The following ORC4 variants were observed in gnomAD, a reference collection of about 807,000 sequenced individuals.
ORC4 encodes origin recognition complex subunit 4.
In ORC4, 55 loss-of-function variants were observed where a neutral mutation model predicts 63.9. That is an observed-to-expected ratio of 0.86 (90% CI 0.69 to 1.08). The LOEUF (loss-of-function observed/expected upper bound fraction) is 1.08, where lower values mean the gene tolerates loss of function less well. ORC4 is among the 50% of genes least tolerant of loss of function. The probability of loss-of-function intolerance (pLI) is 0.00; values close to 1 mark genes in which losing one functional copy is unlikely to be tolerated. For synonymous variants in ORC4, 150 were observed against 168.5 expected, an observed-to-expected ratio of 0.89 and a Z score of 0.85; for missense variants, 511 against 504.4, an observed-to-expected ratio of 1.01 and a Z score of -0.13.
chr2:147,970,934 C>A (rs1690174745), intron 4 of ORC4, among the ~76,000 whole-genome samples: 1 of 151,736 alleles, frequency 6.6e-6, no homozygotes, highest in Admixed American at 6.6e-5. Context: ...GGTTCAGGAC[C>A]AGCCTGGGAA....
intron 1 of ORC4, among the ~76,000 whole-genome samples, chr2:148,008,387 C>T (rs1200140167): frequency 6.6e-6 from 1 of 152,114 alleles, no homozygotes; most frequent in African/African-American, 2.4e-5. Context: ...TAAGCCAAGA[C>T]ATGTTAAGAA....
At chr2:147,958,273 A>G in intron 6 of ORC4, 25 bp downstream of exon 6, 3 of 1,422,334 alleles carry the variant, frequency 2.1e-6, no homozygotes, top group Non-Finnish European at 3.0e-6. Flanking sequence ...AGTCTATTTA[A>G]TAAAATAACT....
At chr2:147,966,996 C>G (rs997898036) in intron 4 of ORC4, among the ~76,000 whole-genome samples, 2 of 152,088 alleles carry the variant, frequency 1.3e-5, no homozygotes, top group Non-Finnish European at 2.9e-5. Flanking sequence ...TCACCATGAT[C>G]AAGTGGGATT....
intron 9 of ORC4, among the ~76,000 whole-genome samples, chr2:147,944,587 G>T (rs1029778021): frequency 6.6e-6 from 1 of 150,628 alleles, no homozygotes; most frequent in African/African-American, 2.4e-5. Context: ...TGGCATTGAA[G>T]AAAAGATTAG....
chr2:147,980,094 G>A (rs984108554), intron 1 of ORC4, among the ~76,000 whole-genome samples: 4 of 152,088 alleles, frequency 2.6e-5, no homozygotes, highest in African/African-American at 7.2e-5. Context: ...TCAACAGAGT[G>A]AAGAGACAAC....
At chr2:147,942,788 GA>G (rs901449192) in intron 10 of ORC4, among the ~76,000 whole-genome samples, 90 of 145,128 alleles carry the variant, frequency 6.2e-4, no homozygotes, top group African/African-American at 2.1e-3. Flanking sequence ...AGATTGGAAA[GA>G]AAAAAAAAAC....
At chr2:147,964,925 C>T (rs1324756479) in intron 4 of ORC4, among the ~76,000 whole-genome samples, 3 of 151,980 alleles carry the variant, frequency 2.0e-5, no homozygotes, top group Admixed American at 6.6e-5. Flanking sequence ...AATCAAAGCT[C>T]AGAATGAAAG....
intron 9 of ORC4, among the ~76,000 whole-genome samples, chr2:147,944,868 T>C: frequency 6.6e-6 from 1 of 152,052 alleles, no homozygotes; most frequent in East Asian, 1.9e-4. Flanking sequence ...TAGTTCCCAC[T>C]CCCTTGCTAT....
chr2:147,940,524 C>G (rs1688309324), intron 10 of ORC4, among the ~76,000 whole-genome samples: 1 of 151,978 alleles, frequency 6.6e-6, no homozygotes, highest in African/African-American at 2.4e-5. Context: ...AATCGTAGAA[C>G]CAACCCAAAT....
At chr2:148,018,550 C>G (rs1693458388) in intron 1 of ORC4, among the ~76,000 whole-genome samples, 1 of 151,224 alleles carries the variant, frequency 6.6e-6, no homozygotes, top group Non-Finnish European at 1.5e-5. Flanking sequence ...AACTGTGGCT[C>G]ATTTCCATTA....
intron 10 of ORC4, among the ~76,000 whole-genome samples, chr2:147,941,130 C>G (rs1038806972): frequency 3.9e-5 from 6 of 152,112 alleles, no homozygotes; most frequent in Non-Finnish European, 7.4e-5. Flanking sequence ...CTTCACAACT[C>G]TCTTCACTGT....
intron 2 of ORC4, among the ~76,000 whole-genome samples, chr2:147,974,856 G>A (rs2105354509): frequency 6.8e-6 from 1 of 146,988 alleles, no homozygotes; most frequent in Non-Finnish European, 1.5e-5. Flanking sequence ...ATATCTTAGA[G>A]GCAGTAACGG....
intron 1 of ORC4, among the ~76,000 whole-genome samples, chr2:148,014,502 A>C (rs1573905314): frequency 6.6e-6 from 1 of 152,294 alleles, no homozygotes; most frequent in Admixed American, 6.5e-5. Context: ...TAATTTTTTA[A>C]ATACAACTGG....
chr2:147,985,377 T>C (rs989185440), intron 1 of ORC4, among the ~76,000 whole-genome samples: 1 of 152,124 alleles, frequency 6.6e-6, no homozygotes, highest in Non-Finnish European at 1.5e-5. Flanking sequence ...TTTGTATTTT[T>C]AGTAGAGACG....
At chr2:147,966,335 T>G (rs1010132923) in intron 4 of ORC4, among the ~76,000 whole-genome samples, 1 of 151,896 alleles carries the variant, frequency 6.6e-6, no homozygotes, top group African/African-American at 2.4e-5. Flanking sequence ...TTAAAAAATC[T>G]AACAATGTAT....
At chr2:147,970,676 A>G (rs1690161483) in intron 4 of ORC4, among the ~76,000 whole-genome samples, 2 of 151,990 alleles carry the variant, frequency 1.3e-5, no homozygotes, top group African/African-American at 4.8e-5. Flanking sequence ...CACAAAAATT[A>G]ACTCAAAATG....
At chr2:147,950,987 G>C (rs1361558306) in intron 8 of ORC4, among the ~76,000 whole-genome samples, 1 of 140,682 alleles carries the variant, frequency 7.1e-6, no homozygotes, top group Non-Finnish European at 1.5e-5. Context: ...TTTGATCCTT[G>C]TCATCGCCTG....
chr2:147,936,008 C>G (rs1013805466), intron 13 of ORC4, among the ~76,000 whole-genome samples: 2 of 152,138 alleles, frequency 1.3e-5, no homozygotes, highest in African/African-American at 4.8e-5. Context: ...CCTCCTAGTA[C>G]TTTAATAAAT....
intron 4 of ORC4, among the ~76,000 whole-genome samples, chr2:147,968,103 A>G (rs1424142356): frequency 1.3e-5 from 2 of 152,094 alleles, no homozygotes; most frequent in African/African-American, 2.4e-5. Context: ...CAGAAGAATT[A>G]AACTAGATTC....
Sources: allele counts gnomAD v4.1 joint callset (sites outside exome capture counted in the v4.1 genomes callset), GRCh38; gene constraint gnomAD v4.1.1; transcripts MANE v1.5; gene names NCBI Gene and HGNC (gene_info 2026-07-23, HGNC 2026-07-21).